METTL6: variants seen among roughly 807,000 people sequenced by gnomAD.
METTL6 encodes the protein tRNA N(3)-cytidine methyltransferase METTL6.
METTL6 carries 22 observed loss-of-function variants against 26.4 expected under a neutral mutation model. The observed-to-expected ratio is 0.83, with a 90% CI of 0.59 to 1.19. The LOEUF (loss-of-function observed/expected upper bound fraction) is 1.19, where lower values mean the gene tolerates loss of function less well. Among genes scored for constraint, METTL6 ranks in the 50% most tolerant of loss-of-function variants. METTL6 has a pLI of 0.00. For synonymous variants in METTL6, 109 were observed against 116.2 expected (o/e 0.94, Z 0.40); for missense variants, 304 against 324.8 (o/e 0.94, Z 0.49).
chr3:15,418,449 A>G (rs1398506227), intron 3 of METTL6, among the ~76,000 whole-genome samples: 2 of 152,200 alleles, frequency 1.3e-5, no homozygotes, highest in African/African-American at 4.8e-5. Context: ...CCTAGGAAAC[A>G]GTCAGTGAAC....
chr3:15,403,159 T>C (rs1171651865), intron 6 of METTL6, among the ~76,000 whole-genome samples: 1 of 152,166 alleles, frequency 6.6e-6, no homozygotes, highest in Non-Finnish European at 1.5e-5. Context: ...AAAATTTTTT[T>C]GTAGGGGTCT....
At chr3:15,397,630 G>A (rs939510495) in intron 6 of METTL6, among the ~76,000 whole-genome samples, 1 of 152,116 alleles carries the variant, frequency 6.6e-6, no homozygotes, top group African/African-American at 2.4e-5. Context: ...TTCACTTTTA[G>A]CCTTCAAGCT....
At chr3:15,419,384 G>C (rs934824443) in intron 3 of METTL6, among the ~76,000 whole-genome samples, 3 of 152,152 alleles carry the variant, frequency 2.0e-5, no homozygotes, top group African/African-American at 7.2e-5. Flanking sequence ...TCTGTTCACT[G>C]TTTAACTCCA....
chr3:15,391,170 C>T (rs1027858293), intron 6 of METTL6, among the ~76,000 whole-genome samples: 2 of 152,166 alleles, frequency 1.3e-5, no homozygotes, highest in African/African-American at 4.8e-5. Context: ...CGTTTGTATC[C>T]CCAATGCTCA....
At chr3:15,394,739 CTTCAT>C (rs1469967508) in intron 6 of METTL6, among the ~76,000 whole-genome samples, 1 of 152,118 alleles carries the variant, frequency 6.6e-6, no homozygotes, top group African/African-American at 2.4e-5. Flanking sequence ...TTATTTCTGC[CTTCAT>C]TTCGTTATGT....
intron 5 of METTL6, chr3:15,413,724 C>T: frequency 7.6e-7 from 1 of 1,321,218 alleles, no homozygotes; most frequent in Non-Finnish European, 9.8e-7. Context: ...GACTTGCCCT[C>T]CCTCTTATTC....
chr3:15,385,875 A>C (rs557376792), intron 6 of METTL6, among the ~76,000 whole-genome samples: 1 of 152,314 alleles, frequency 6.6e-6, no homozygotes, highest in South Asian at 2.1e-4. Context: ...ACCAATAAAA[A>C]AGAGCTCTTA....
intron 6 of METTL6, among the ~76,000 whole-genome samples, chr3:15,401,362 T>TG (rs1398880303): frequency 6.6e-6 from 1 of 150,480 alleles, no homozygotes; most frequent in Non-Finnish European, 1.5e-5. Context: ...TCTGTAGAAA[T>TG]GGGGTTTCAC....
chr3:15,426,279 T>C lies in METTL6; in HGVS notation c.225+8A>G. ...GAACAGCTCAGATAAGGCGTAATAT[T>C]AGCTTACCTCTCTACATGATCTTAG... On this transcript the variant is annotated splice_region_variant and intron_variant, in intron 2 of 5. Coordinates refer to ENST00000383790, the MANE Select transcript of METTL6 (RefSeq NM_152396.4). 6.2e-7 allele frequency: 1 copy of C among 1,611,750 alleles called. No individual in the cohort carries two copies. The highest frequency in any genetic ancestry group is 2.2e-5 in the East Asian group (1 of 44,874).
chr3:15,420,652 A>G (rs1398076753), intron 3 of METTL6, among the ~76,000 whole-genome samples: 1 of 152,176 alleles, frequency 6.6e-6, no homozygotes, highest in Non-Finnish European at 1.5e-5. Flanking sequence ...TATATAGTGT[A>G]TATGAAGGAC....
chr3:15,394,709 G>A (rs1489120256), intron 6 of METTL6, among the ~76,000 whole-genome samples: 6 of 152,108 alleles, frequency 3.9e-5, no homozygotes, highest in Admixed American at 2.0e-4. Context: ...CTTTGTTCTC[G>A]TTGGTTTCAA....
exon 7 of METTL6, chr3:15,383,644 C>T (rs1699123281): frequency 6.6e-6 from 1 of 152,140 alleles, no homozygotes; most frequent in African/African-American, 2.4e-5. Context: ...ACAATGTATA[C>T]ATCTATTACT....
At chr3:15,404,883 AACTT>A (rs532196395), downstream of METTL6, among the ~76,000 whole-genome samples, 97 of 152,256 alleles carry the variant, frequency 6.4e-4, 1 homozygote, top group South Asian at 5.8e-3. Flanking sequence ...TCAGTAGCAG[AACTT>A]ACTTAAATTT....
intron 6 of METTL6, among the ~76,000 whole-genome samples, chr3:15,397,465 C>T (rs1052641388): frequency 2.6e-5 from 4 of 152,108 alleles, no homozygotes; most frequent in Admixed American, 6.5e-5. Context: ...TGCTTCGGCT[C>T]GGGCTCAATG....
intron 4 of METTL6, chr3:15,415,399 C>T: frequency 8.4e-7 from 1 of 1,196,040 alleles, no homozygotes; most frequent in Non-Finnish European, 1.2e-6. Context: ...TCAAGTGATT[C>T]ACCTGCCTTG....
Position 15,409,993 on chromosome 3 carries a change from G to A in METTL6, c.*1263C>T, listed in dbSNP as rs1170814242. ...CCTGGGGGAACACTTACAGTCACAT[G>A]AGTAATGACAAGAATCTCTTTACGT... On this transcript the variant is annotated 3_prime_UTR_variant, in exon 6 of 6. Transcript: ENST00000383790. Among the ~76,000 whole-genome samples the A allele has an allele frequency of 6.6e-6, 1 of 152,120 alleles. No homozygotes were observed. The highest frequency in any genetic ancestry group is 1.5e-5 in the Non-Finnish European group (1 of 68,034).
Position 15,425,055 on chromosome 3 carries a change from C to T in METTL6, c.260G>A (p.Gly87Asp). 3 of 1,614,170 alleles carry T rather than the reference C, an allele frequency of 1.9e-6. No homozygotes were observed. Among genetic ancestry groups the T allele is most frequent in the Non-Finnish European group, 2.5e-6 (3 of 1,180,030 alleles). ...GAATAAACAGTTTCCAACCCCACAG[C>T]CAGCTTCAAGCATTGTTAACTTTTG... ...EDQKLTMLEA[G>D]CGVGNCLFPL... is the part of the protein sequence containing the mutation. The change falls in exon 3 of 6, where the codon GGC becomes GAC. Residue 87 changes from glycine to aspartate, a missense_variant. By Grantham distance (94) the Gly-to-Asp change is moderately conservative (BLOSUM62 -1). Transcript: ENST00000383790.
chr3:15,393,853 G>T (rs1259525481), intron 6 of METTL6, among the ~76,000 whole-genome samples: 1 of 152,208 alleles, frequency 6.6e-6, no homozygotes, highest in East Asian at 1.9e-4. Flanking sequence ...AAGCCCACTT[G>T]ATCATGGTGG....
intron 3 of METTL6, among the ~76,000 whole-genome samples, chr3:15,422,501 T>C (rs2061630853): frequency 6.6e-6 from 1 of 151,984 alleles, no homozygotes; most frequent in South Asian, 2.1e-4. Context: ...AGTATGTGCG[T>C]GTAGACCCAG....
Sources: allele counts gnomAD v4.1 joint callset (sites outside exome capture counted in the v4.1 genomes callset), GRCh38; gene constraint gnomAD v4.1.1; transcripts MANE v1.5; gene names NCBI Gene and HGNC (gene_info 2026-07-23, HGNC 2026-07-21).